The following WDR25 variants were observed in gnomAD, a reference collection of about 807,000 sequenced individuals.
The protein encoded by WDR25 is WD repeat-containing protein 25.
In WDR25, 35 loss-of-function variants were observed where a neutral mutation model predicts 47.7. The observed-to-expected ratio is 0.73, with a 90% confidence interval of 0.56 to 0.97. The LOEUF is 0.97. Ranked by LOEUF, WDR25 falls within the 50% of genes least tolerant of loss-of-function variation. The probability of loss-of-function intolerance (pLI) is 0.00; values close to 1 mark genes in which losing one functional copy is unlikely to be tolerated. For missense variants in WDR25, 634 were observed against 704.7 expected, an observed-to-expected ratio of 0.90 and a Z score of 1.14; for synonymous variants, 248 against 278.9, an observed-to-expected ratio of 0.89 and a Z score of 1.10.
At chr14:100,409,569 T>C (rs1213994351) in intron 2 of WDR25, among the ~76,000 whole-genome samples, 1 of 152,182 alleles carries the variant, frequency 6.6e-6, no homozygotes, top group Non-Finnish European at 1.5e-5. Context: ...GAGAAATTGC[T>C]GTGGGTGATC....
At chr14:100,395,671 G>A (rs1170596928) in intron 2 of WDR25, among the ~76,000 whole-genome samples, 10 of 152,214 alleles carry the variant, frequency 6.6e-5, no homozygotes, top group African/African-American at 2.4e-5. Context: ...AATGGCAGGA[G>A]CTCTGATATA....
rs1566880982 is a variant in WDR25 at position 100,381,559 on chromosome 14, A to ACGTGGG, written c.637_642dup (p.Val213_Gly214dup). On this transcript the variant is annotated inframe_insertion, in exon 2 of 7. Transcript: ENST00000402312. ...GCAGGGCGTGCCCCAGCCCCTCTCT[A>ACGTGGG]CGTGGGCCCGGGAGTGTCTGAGTTT... 2 of 1,609,470 alleles carry ACGTGGG rather than the reference A, an allele frequency of 1.2e-6. No homozygotes were observed. Among genetic ancestry groups the ACGTGGG allele is most frequent in the South Asian group, 2.2e-5 (2 of 90,794 alleles).
Position 100,483,985 on chromosome 14 carries a change from G to C in WDR25, c.971-9G>C, listed in dbSNP as rs765855859. Reference sequence around the variant, plus strand: ...CTTTCTAACCCTCTCTTCTCTTTTTGTGTTGTAGGAACCCAGCTATTTAGT... The same window carrying C: ...CTTTCTAACCCTCTCTTCTCTTTTTCTGTTGTAGGAACCCAGCTATTTAGT... On this transcript the variant is annotated splice_polypyrimidine_tract_variant and intron_variant, in intron 3 of 6. Transcript: ENST00000402312. 3 of 1,600,634 alleles carry C rather than the reference G, an allele frequency of 1.9e-6. No homozygotes were observed. In the African/African-American group the frequency reaches 4.1e-5, roughly 22 times the overall value.
At chr14:100,510,737 AAATAATAAT>A (rs556858291) in intron 4 of WDR25, among the ~76,000 whole-genome samples, 2 of 146,956 alleles carry the variant, frequency 1.4e-5, no homozygotes, top group Non-Finnish European at 1.5e-5. Flanking sequence ...CACCATCTCA[AAATAATAAT>A]AATAATAATA....
At chr14:100,411,222 C>T (rs1186018905) in intron 2 of WDR25, among the ~76,000 whole-genome samples, 1 of 152,150 alleles carries the variant, frequency 6.6e-6, no homozygotes, top group Non-Finnish European at 1.5e-5. Flanking sequence ...GGCTCAGACC[C>T]CAGCTTCCTA....
rs1361817918 is a variant in WDR25 at position 100,418,652 on chromosome 14, T to TG, written c.822+36907dup. On this transcript the variant is annotated intron_variant, in intron 2 of 6. Coordinates refer to ENST00000402312, the MANE Select transcript of WDR25 (RefSeq NM_001161476.3). ...CTCCGTCTCAAAAAAAAAAAAAAGGTGAAAAATTTGCACAACAGCACAGTA... is the reference window on the plus strand; with the variant it reads ...CTCCGTCTCAAAAAAAAAAAAAAGGTGGAAAAATTTGCACAACAGCACAGTA... Among the ~76,000 whole-genome samples the TG allele has an allele frequency of 2.2e-5, 3 of 133,380 alleles. No homozygotes were observed. In the East Asian group the frequency reaches 6.6e-4, roughly 29 times the overall value. 87.5% of individuals were successfully genotyped at this position (133,380 alleles called of 152,430 possible).
At chr14:100,390,329 A>T (rs996131931) in intron 2 of WDR25, among the ~76,000 whole-genome samples, 2 of 151,550 alleles carry the variant, frequency 1.3e-5, no homozygotes, top group African/African-American at 4.9e-5. Flanking sequence ...TCCATGTTAG[A>T]GATTTCCTGC....
At chr14:100,427,927 T>C (rs1388138034) in intron 2 of WDR25, among the ~76,000 whole-genome samples, 2 of 152,196 alleles carry the variant, frequency 1.3e-5, no homozygotes, top group African/African-American at 4.8e-5. Flanking sequence ...GATGTGGTGC[T>C]GGAGTGGGTT....
rs1345116844 is a variant in WDR25 at position 100,424,379 on chromosome 14, T to C, written c.822+42633T>C. 6.6e-6 allele frequency among the ~76,000 whole-genome samples: 1 copy of C among 152,234 alleles called. No individual in the cohort carries two copies. The highest frequency in any genetic ancestry group is 2.4e-5 in the African/African-American group (1 of 41,456). ...TCCCGTGTAAACAAACATCAGCACC[T>C]GTTATCCTAATTAAACCTCAGACCT... On this transcript the variant is annotated intron_variant, in intron 2 of 6. Transcript: ENST00000402312. The surrounding 1 kb of genome is among the most constrained non-coding windows in gnomAD (Gnocchi z 4.2).
chr14:100,459,634 G>A (rs992412260), intron 2 of WDR25, among the ~76,000 whole-genome samples: 14 of 151,760 alleles, frequency 9.2e-5, no homozygotes, highest in Admixed American at 7.9e-4. Context: ...ATCTATCTCC[G>A]AATCTCCCCT....
chr14:100,491,265 A>G (rs1227467013), intron 4 of WDR25, among the ~76,000 whole-genome samples: 2 of 152,210 alleles, frequency 1.3e-5, no homozygotes, highest in African/African-American at 4.8e-5. Context: ...CACCACAAGC[A>G]CACGGCCAGT....
intron 4 of WDR25, among the ~76,000 whole-genome samples, chr14:100,491,623 C>T (rs1037883558): frequency 4.6e-5 from 7 of 152,218 alleles, no homozygotes; most frequent in Non-Finnish European, 1.0e-4. Context: ...ATGACAAAAT[C>T]GCCTGATGAC....
At chr14:100,423,284 G>A (rs1566903196) in intron 2 of WDR25, among the ~76,000 whole-genome samples, 1 of 151,988 alleles carries the variant, frequency 6.6e-6, no homozygotes. Context: ...TTATAATAGC[G>A]TGTGCATGAA....
intron 2 of WDR25, among the ~76,000 whole-genome samples, chr14:100,394,806 G>T (rs1467994885): frequency 6.6e-6 from 1 of 152,144 alleles, no homozygotes; most frequent in Non-Finnish European, 1.5e-5. Context: ...GACAAAATAG[G>T]GAGGCCTATC....
At chr14:100,491,581 C>T (rs1474888438) in intron 4 of WDR25, among the ~76,000 whole-genome samples, 4 of 152,180 alleles carry the variant, frequency 2.6e-5, no homozygotes, top group South Asian at 2.1e-4. Context: ...GCTATACCGT[C>T]GAGGTTCGTG....
At position 100,445,081 on chromosome 14, in the gene WDR25, G is replaced by A. The variant is rs113918854; in HGVS notation, c.823-22940G>A. Among the ~76,000 whole-genome samples, 814 of 152,260 alleles carry A rather than the reference G, an allele frequency of 5.3e-3. 6 individuals carry two copies. Among genetic ancestry groups the A allele is most frequent in the Middle Eastern group, 0.024 (7 of 294 alleles). ...GGAACTGGGCCTCTGTGTTCTTGCTGTCACCCCATATCCCCACCAGGCACC... is the reference window on the plus strand; with the variant it reads ...GGAACTGGGCCTCTGTGTTCTTGCTATCACCCCATATCCCCACCAGGCACC... On this transcript the variant is annotated intron_variant, in intron 2 of 6. Coordinates refer to ENST00000402312, the MANE Select transcript of WDR25 (RefSeq NM_001161476.3).
At chr14:100,447,506 G>T (rs987114993) in intron 2 of WDR25, among the ~76,000 whole-genome samples, 44 of 152,168 alleles carry the variant, frequency 2.9e-4, no homozygotes, top group Admixed American at 2.8e-3. Flanking sequence ...ACAGACTGGG[G>T]AGCCTGAGGT....
intron 2 of WDR25, among the ~76,000 whole-genome samples, chr14:100,464,398 G>C (rs547211237): frequency 6.6e-6 from 1 of 152,140 alleles, no homozygotes; most frequent in Non-Finnish European, 1.5e-5. Context: ...CTTAAGGACT[G>C]TGGATTTTTA....
intron 4 of WDR25, among the ~76,000 whole-genome samples, chr14:100,491,405 C>T (rs899262599): frequency 2.6e-5 from 4 of 152,204 alleles, no homozygotes; most frequent in African/African-American, 7.2e-5. Flanking sequence ...AATGACGTTT[C>T]GGTCAATGTC....
Sources: gnomAD v4.1 joint callset for allele counts (sites outside exome capture counted in the v4.1 genomes callset) on GRCh38, gnomAD v4.1.1 for gene constraint, Gnocchi (gnomAD v3.1) non-coding constraint, MANE v1.5 for transcripts, NCBI Gene and HGNC (gene_info 2026-07-23, HGNC 2026-07-21) for gene names.